SGMS2: variants seen among roughly 807,000 people sequenced by gnomAD.
SGMS2 encodes sphingomyelin synthase 2, also known as phosphatidylcholine:ceramide cholinephosphotransferase 2.
Under a neutral mutation model 43.8 loss-of-function variants are expected in SGMS2, and 21 were observed. That is an observed-to-expected ratio of 0.48 (90% CI 0.34 to 0.69). The LOEUF (loss-of-function observed/expected upper bound fraction) is 0.69. Ranked by LOEUF, SGMS2 falls within the 30% of genes least tolerant of loss-of-function variation. The probability of loss-of-function intolerance (pLI) is 0.01; values close to 1 mark genes in which losing one functional copy is unlikely to be tolerated. For missense variants in SGMS2, 384 were observed against 443.2 expected (o/e 0.87, Z 1.20); for synonymous variants, 167 against 160.6 (o/e 1.04, Z -0.30).
chr4:107,895,366 A>C lies in SGMS2; in HGVS notation c.-188A>C. On this transcript the variant is annotated 5_prime_UTR_variant, in exon 3 of 7. Transcript: ENST00000690982. ...TTGGCTTCCTTTCTTGAAAGTGGTG[A>C]AGGTACAGCATATAGCTGCATGGAA... 1.8e-6 allele frequency: 1 copy of C among 557,288 alleles called. No homozygotes were observed. Among genetic ancestry groups the C allele is most frequent in the Non-Finnish European group, 3.1e-6 (1 of 327,866 alleles). 34.5% of individuals were successfully genotyped at this position (557,288 alleles called of 1,614,324 possible).
intron 1 of SGMS2, among the ~76,000 whole-genome samples, chr4:107,841,470 T>A (rs1016380528): frequency 6.6e-6 from 1 of 152,084 alleles, no homozygotes; most frequent in Non-Finnish European, 1.5e-5. Flanking sequence ...TTTGCCCTTG[T>A]TGAGAATGCA....
chr4:107,849,425 A>C, intron 1 of SGMS2, among the ~76,000 whole-genome samples: 1 of 152,218 alleles, frequency 6.6e-6, no homozygotes, highest in East Asian at 1.9e-4. Flanking sequence ...TTAAAATTTA[A>C]GTAGCCCCAT....
chr4:107,848,853 TC>T (rs1186834416), intron 1 of SGMS2, among the ~76,000 whole-genome samples: 2 of 152,192 alleles, frequency 1.3e-5, no homozygotes, highest in African/African-American at 4.8e-5. Flanking sequence ...CAATGACTTG[TC>T]TTTTTCTTAA....
At chr4:107,825,302 G>A (rs1415841877) in intron 1 of SGMS2, 49 bp downstream of exon 1, 1 of 152,432 alleles carries the variant, frequency 6.6e-6, no homozygotes, top group Non-Finnish European at 1.5e-5. Flanking sequence ...GGGGAGCGGA[G>A]AGTCCTCCGA....
chr4:107,835,197 A>G (rs193079676), intron 1 of SGMS2, among the ~76,000 whole-genome samples: 275 of 152,264 alleles, frequency 1.8e-3, no homozygotes, highest in Non-Finnish European at 2.5e-3. Context: ...AAAAAGTGGA[A>G]TCAGAAATAG....
chr4:107,913,666 A>C lies in SGMS2; in HGVS notation c.*3113A>C, dbSNP rs1732264661. 6.6e-6 allele frequency: 1 copy of C among 152,244 alleles called. No homozygotes were observed. Among genetic ancestry groups the C allele is most frequent in the Admixed American group, 6.5e-5 (1 of 15,286 alleles). 9.4% of individuals were successfully genotyped at this position (152,244 alleles called of 1,614,324 possible). A position where few individuals can be genotyped will look rare whatever the true frequency, so the allele number is the denominator to read the frequency against. On this transcript the variant is annotated 3_prime_UTR_variant, in exon 7 of 7. Transcript: ENST00000690982. ...CCCAAAGGTAAAATGTGCTCAGATT[A>C]TAGGCACTTGTAATTCTAACCTTGT... is the stretch of plus-strand genomic sequence containing the variant.
intron 1 of SGMS2, among the ~76,000 whole-genome samples, chr4:107,829,562 T>C (rs1725773346): frequency 6.6e-6 from 1 of 152,178 alleles, no homozygotes; most frequent in Admixed American, 6.5e-5. Context: ...TGGTTTCCCC[T>C]CTATTGACAA....
At chr4:107,844,103 A>C (rs1426378176) in intron 1 of SGMS2, among the ~76,000 whole-genome samples, 1 of 152,042 alleles carries the variant, frequency 6.6e-6, no homozygotes, top group Non-Finnish European at 1.5e-5. Context: ...CAGGCAGATC[A>C]TGAGGTCAGG....
intron 2 of SGMS2, among the ~76,000 whole-genome samples, chr4:107,885,287 A>C (rs1374462153): frequency 6.6e-6 from 1 of 152,220 alleles, no homozygotes; most frequent in Non-Finnish European, 1.5e-5. Context: ...TAAAATTAGA[A>C]AATGATTGTA....
rs183350782 is a variant in SGMS2, at chr4:107,852,522, G to A, written c.-326-5950G>A. Among the ~76,000 whole-genome samples, 52 of 152,218 alleles carry A rather than the reference G, an allele frequency of 3.4e-4. No homozygotes were observed. The East Asian group carries it at 9.5e-3, about 28-fold the overall frequency. The stretch of plus-strand genomic sequence containing the variant: ...TAAGTCATCTATAAATCTATTATAT[G>A]TTAGCATTTTGCATTATCTTTCTAG... On this transcript the variant is annotated intron_variant, in intron 1 of 6. Transcript: ENST00000690982.
At chr4:107,873,856 T>G (rs1728721338) in intron 2 of SGMS2, 1 of 152,102 alleles carries the variant, frequency 6.6e-6, no homozygotes. Context: ...CCCCTGTAAG[T>G]TTTACTTTTA....
rs1440905337 is a variant in SGMS2 at position 107,850,975 on chromosome 4, T to G, written c.-326-7497T>G. ...CCAGTGATTCCTGGTACTTTAATACTCTCTTTCATATGGACACCACCAAAT... is the reference window on the plus strand; with the variant it reads ...CCAGTGATTCCTGGTACTTTAATACGCTCTTTCATATGGACACCACCAAAT... On this transcript the variant is annotated intron_variant, in intron 1 of 6. Transcript: ENST00000690982. Among the ~76,000 whole-genome samples, 5 of 152,288 alleles carry G rather than the reference T, an allele frequency of 3.3e-5. No individual in the cohort carries two copies. In the East Asian group the frequency reaches 9.6e-4, roughly 29 times the overall value.
rs191347849 is a variant in SGMS2 at position 107,887,030 on chromosome 4, C to T, written c.-244-8280C>T. Among the ~76,000 whole-genome samples, 371 of 152,276 alleles carry T rather than the reference C, an allele frequency of 2.4e-3. 2 individuals carry two copies. Among genetic ancestry groups the T allele is most frequent in the African/African-American group, 8.6e-3 (357 of 41,566 alleles). ...AAATAGCTTAAAAGTTTTCCTGACT[C>T]TGAAAAACAAAGGATGAGCAGGTTT... On this transcript the variant is annotated intron_variant, in intron 2 of 6. Transcript: ENST00000690982.
rs1159050722 is a variant in SGMS2 at position 107,868,088 on chromosome 4, TTTAAAGTGTATATTTG to T, written c.-245+9537_-245+9552del. ...CATGATCACAATGTTGATGAAATTG[TTTAAAGTGTATATTTG>T]TAAATACTTTTCCAAATAAAAGCTT... On this transcript the variant is annotated intron_variant, in intron 2 of 6. Transcript: ENST00000690982. 4.6e-5 allele frequency among the ~76,000 whole-genome samples: 7 copies of T among 152,322 alleles called. No individual in the cohort carries two copies. The East Asian group carries it at 1.4e-3, about 29-fold the overall frequency.
At chr4:107,869,159 A>T (rs566881822) in intron 2 of SGMS2, among the ~76,000 whole-genome samples, 1 of 152,268 alleles carries the variant, frequency 6.6e-6, no homozygotes, top group Non-Finnish European at 1.5e-5. Flanking sequence ...GAGAGAGGGG[A>T]CACTAGGTTT....
chr4:107,829,708 C>T (rs959378687), intron 1 of SGMS2, among the ~76,000 whole-genome samples: 5 of 152,120 alleles, frequency 3.3e-5, no homozygotes, highest in Non-Finnish European at 5.9e-5. Context: ...TCTTTCCTTT[C>T]ACTATACCCC....
intron 1 of SGMS2, among the ~76,000 whole-genome samples, chr4:107,853,897 C>A (rs748837387): frequency 6.6e-6 from 1 of 152,188 alleles, no homozygotes; most frequent in African/African-American, 2.4e-5. Context: ...TCAAAAAAAG[C>A]TTCTCCAAGA....
intron 2 of SGMS2, among the ~76,000 whole-genome samples, chr4:107,872,123 A>G (rs971391697): frequency 3.3e-5 from 5 of 152,190 alleles, no homozygotes; most frequent in African/African-American, 1.2e-4. Flanking sequence ...AAGTTATATT[A>G]GTACAGGTTT....
At chr4:107,876,610 A>G (rs1172336182) in intron 2 of SGMS2, among the ~76,000 whole-genome samples, 2 of 152,222 alleles carry the variant, frequency 1.3e-5, no homozygotes, top group East Asian at 1.9e-4. Context: ...ACTGGTCTCC[A>G]TGTGGTAGAG....
Sources: allele counts gnomAD v4.1 joint callset (sites outside exome capture counted in the v4.1 genomes callset), GRCh38; gene constraint gnomAD v4.1.1; transcripts MANE v1.5; gene names NCBI Gene and HGNC (gene_info 2026-07-23, HGNC 2026-07-21).